The following NDUFA10 variants were observed in gnomAD, a reference collection of about 807,000 sequenced individuals.
The protein encoded by NDUFA10 is NADH:ubiquinone oxidoreductase subunit A10, also known as NADH dehydrogenase [ubiquinone] 1 alpha subcomplex subunit 10, mitochondrial.
A neutral mutation model predicts 47.8 loss-of-function variants in NDUFA10; 40 were observed. The ratio of observed to expected loss-of-function variants is 0.84; its 90% confidence interval spans 0.65 to 1.09. NDUFA10 has a LOEUF of 1.09. NDUFA10 is among the 50% of genes least tolerant of loss of function. The pLI, the probability that NDUFA10 is intolerant of heterozygous loss-of-function variation, is 0.00. For missense variants in NDUFA10, 413 were observed against 451.1 expected (o/e 0.92, Z 0.76); for synonymous variants, 183 against 172.2 (o/e 1.06, Z -0.49).
chr2:239,938,469 G>C (rs1694304471), intron 4 of NDUFA10, among the ~76,000 whole-genome samples: 1 of 152,248 alleles, frequency 6.6e-6, no homozygotes, highest in Non-Finnish European at 1.5e-5. Context: ...TGGTTTGTCA[G>C]AGGCTGTATG....
chr2:239,933,080 C>A (rs1694205533), intron 4 of NDUFA10, among the ~76,000 whole-genome samples: 1 of 152,110 alleles, frequency 6.6e-6, no homozygotes, highest in Admixed American at 6.5e-5. Context: ...CATCTCAGCA[C>A]CTCCCAGCAC....
At chr2:240,025,102 C>A (rs1446542560) in intron 1 of NDUFA10, 125 bp downstream of exon 1, 20 of 1,027,870 alleles carry the variant, frequency 1.9e-5, no homozygotes, top group Non-Finnish European at 5.3e-6. Context: ...AGGGGTCCCC[C>A]AAACCCACCC....
At chr2:239,931,385 C>T (rs1265208652) in intron 4 of NDUFA10, among the ~76,000 whole-genome samples, 2 of 152,190 alleles carry the variant, frequency 1.3e-5, no homozygotes, top group Non-Finnish European at 2.9e-5. Context: ...AGGATGTGCC[C>T]GAAAGCCAGG....
chr2:239,979,570 CCT>C (rs1228916075), intron 9 of NDUFA10, among the ~76,000 whole-genome samples: 2 of 147,718 alleles, frequency 1.4e-5, no homozygotes, highest in Non-Finnish European at 1.5e-5. Context: ...CAACAATGCC[CCT>C]GTTAAGTGGG....
At chr2:239,907,802 G>C (rs113773268) in intron 4 of NDUFA10, among the ~76,000 whole-genome samples, 20,020 of 152,002 alleles carry the variant, frequency 0.13, 1,403 homozygotes, top group Middle Eastern at 0.21. Context: ...GTTGGTGGGA[G>C]TGTAAACTAG....
intron 4 of NDUFA10, among the ~76,000 whole-genome samples, chr2:239,930,031 C>T (rs1574785536): frequency 1.1e-5 from 1 of 91,036 alleles, no homozygotes; most frequent in Admixed American, 1.1e-4. Context: ...CAGTCCTGCT[C>T]CTCCACTGCC....
intron 9 of NDUFA10, among the ~76,000 whole-genome samples, chr2:239,988,367 G>T (rs962220881): frequency 6.6e-6 from 1 of 152,096 alleles, no homozygotes; most frequent in Non-Finnish European, 1.5e-5. Flanking sequence ...CTAATCATAC[G>T]GCCCTAAAAC....
At position 239,981,621 on chromosome 2, in the gene NDUFA10, C is replaced by T. The variant is rs543675944; in HGVS notation, c.999+8453G>A. Among the ~76,000 whole-genome samples the T allele has an allele frequency of 1.8e-4, 27 of 152,224 alleles. No individual in the cohort carries two copies. In the South Asian group the frequency reaches 5.0e-3, roughly 28 times the overall value. On this transcript the variant is annotated intron_variant, in intron 9 of 9. Transcript: ENST00000252711. ...TTAATCTAAAGAATAAAGGTCAAAG[C>T]ATTACTCGTTTTCCAAGAATCAGAA...
At chr2:239,996,110 C>T (rs1042748348) in intron 8 of NDUFA10, among the ~76,000 whole-genome samples, 2 of 152,004 alleles carry the variant, frequency 1.3e-5, no homozygotes, top group Non-Finnish European at 2.9e-5. Context: ...GTAAAGATAC[C>T]GATGACCCCA....
At chr2:240,005,406 T>TGGCACAATCACA in intron 7 of NDUFA10, 111 bp from the exon 8 acceptor site, 2 of 847,710 alleles carry the variant, frequency 2.4e-6, no homozygotes, top group Non-Finnish European at 3.9e-6. Flanking sequence ...TGGAAAGTAG[T>TGGCACAATCACA]GGCACAATCA....
intron 4 of NDUFA10, among the ~76,000 whole-genome samples, chr2:239,901,629 T>G (rs4627604): frequency 0.86 from 130,281 of 151,716 alleles, 55,995 homozygotes; most frequent in East Asian, 0.99. Flanking sequence ...ACTTTCAAGT[T>G]TCATTATTGA....
intron 4 of NDUFA10, among the ~76,000 whole-genome samples, chr2:239,911,807 G>GTC (rs1693760956): frequency 6.6e-6 from 1 of 151,502 alleles, no homozygotes; most frequent in African/African-American, 2.4e-5. Flanking sequence ...AGAAATCCCA[G>GTC]TCCACGCCCT....
rs192848156 is a variant in NDUFA10, at chr2:239,966,607, T to C, written c.1000-5421A>G. Among the ~76,000 whole-genome samples, 13 of 152,262 alleles carry C rather than the reference T, an allele frequency of 8.5e-5. 1 individual carries two copies. Among genetic ancestry groups the C allele is most frequent in the Admixed American group, 8.5e-4 (13 of 15,292 alleles). Reference sequence around the variant, plus strand: ...ACCCACTCGTGATTTCCCCCAAATATCTGTGTGCAAATCTGTGTGTCAGAA... The same window carrying C: ...ACCCACTCGTGATTTCCCCCAAATACCTGTGTGCAAATCTGTGTGTCAGAA... On this transcript the variant is annotated intron_variant, in intron 9 of 9. Coordinates refer to ENST00000252711, the MANE Select transcript of NDUFA10 (RefSeq NM_004544.4).
chr2:239,904,619 C>A (rs1295549054), intron 4 of NDUFA10, among the ~76,000 whole-genome samples: 1 of 152,198 alleles, frequency 6.6e-6, no homozygotes, highest in Non-Finnish European at 1.5e-5. Flanking sequence ...GTTGAGAAGG[C>A]GCCCTAGAGA....
intron 8 of NDUFA10, among the ~76,000 whole-genome samples, chr2:239,997,294 T>C (rs1256394795): frequency 6.6e-6 from 1 of 151,940 alleles, no homozygotes; most frequent in Non-Finnish European, 1.5e-5. Flanking sequence ...GGATAAATCA[T>C]CAAAACAAAA....
chr2:239,913,067 G>A (rs958173280), intron 4 of NDUFA10, among the ~76,000 whole-genome samples: 1 of 152,110 alleles, frequency 6.6e-6, no homozygotes, highest in Non-Finnish European at 1.5e-5. Context: ...GCCACTCGGG[G>A]CCACTGCTGA....
At chr2:239,944,804 C>A (rs753318135) in intron 4 of NDUFA10, among the ~76,000 whole-genome samples, 16 of 152,190 alleles carry the variant, frequency 1.1e-4, no homozygotes, top group Non-Finnish European at 1.3e-4. Context: ...GAGCCACCTG[C>A]CCCTGTCCCC....
rs191100720 is a variant in NDUFA10, at chr2:239,987,462, G to A, written c.999+2612C>T. ...TCCTGACACCGAGACCACACTCGGC[G>A]AACCATCACATTCAAGAGTTTGAAG... On this transcript the variant is annotated intron_variant, in intron 9 of 9. Transcript: ENST00000252711. This position sits in a 1 kb window ranked among gnomAD's most constrained non-coding sequence, Gnocchi z 4.8. Among the ~76,000 whole-genome samples the A allele has an allele frequency of 2.6e-5, 4 of 151,140 alleles. No individual in the cohort carries two copies. The highest frequency in any genetic ancestry group is 6.6e-5 in the Admixed American group (1 of 15,160).
intron 4 of NDUFA10, among the ~76,000 whole-genome samples, chr2:239,902,466 T>C (rs889075317): frequency 6.6e-6 from 1 of 152,228 alleles, no homozygotes; most frequent in African/African-American, 2.4e-5. Context: ...CATAATACTA[T>C]TTGCACACTG....
Sources: gnomAD v4.1 joint callset for allele counts (sites outside exome capture counted in the v4.1 genomes callset) on GRCh38, gnomAD v4.1.1 for gene constraint, Gnocchi (gnomAD v3.1) non-coding constraint, MANE v1.5 for transcripts, NCBI Gene and HGNC (gene_info 2026-07-23, HGNC 2026-07-21) for gene names.